TAFA2: variants seen among roughly 807,000 people sequenced by gnomAD.
The protein encoded by TAFA2 is chemokine-like protein TAFA-2.
TAFA2 carries 7 observed loss-of-function variants against 18.8 expected under a neutral mutation model. The ratio of observed to expected loss-of-function variants is 0.37; its 90% CI spans 0.21 to 0.70. The LOEUF (loss-of-function observed/expected upper bound fraction) is 0.70, where lower values mean the gene tolerates loss of function less well. Among genes scored for constraint, TAFA2 ranks in the 30% least tolerant of loss-of-function variants. The pLI is 0.53. For missense variants in TAFA2, 122 were observed against 158.1 expected, an observed-to-expected ratio of 0.77 and a Z score of 1.23; for synonymous variants, 60 against 54.2, an observed-to-expected ratio of 1.11 and a Z score of -0.47.
chr12:62,110,651 A>G (rs1339459855), intron 1 of TAFA2, among the ~76,000 whole-genome samples: 2 of 120,824 alleles, frequency 1.7e-5, no homozygotes, highest in Non-Finnish European at 3.3e-5. Flanking sequence ...GCTATTAATT[A>G]CTGCCTCAAT....
At chr12:62,124,981 A>G (rs941031801) in intron 1 of TAFA2, among the ~76,000 whole-genome samples, 5 of 152,150 alleles carry the variant, frequency 3.3e-5, no homozygotes, top group African/African-American at 9.7e-5. Context: ...CAAAAAAAGT[A>G]CCAAGAATTT....
At chr12:61,918,284 C>T (rs1876912024) in intron 1 of TAFA2, among the ~76,000 whole-genome samples, 1 of 151,986 alleles carries the variant, frequency 6.6e-6, no homozygotes, top group African/African-American at 2.4e-5. Flanking sequence ...TCTCATTAAC[C>T]ATCCCCCCTT....
At chr12:61,820,853 A>G (rs1245192122) in intron 2 of TAFA2, among the ~76,000 whole-genome samples, 4 of 152,096 alleles carry the variant, frequency 2.6e-5, no homozygotes, top group Non-Finnish European at 1.5e-5. Flanking sequence ...CTAATGTTCT[A>G]TACAATTGTT....
intron 1 of TAFA2, among the ~76,000 whole-genome samples, chr12:61,939,086 A>G (rs1410484283): frequency 2.6e-5 from 4 of 152,204 alleles, no homozygotes; most frequent in Non-Finnish European, 5.9e-5. Context: ...AAGTATACCT[A>G]TCGTTACTGA....
chr12:61,950,106 T>C (rs1430273846), intron 1 of TAFA2, among the ~76,000 whole-genome samples: 1 of 152,150 alleles, frequency 6.6e-6, no homozygotes, highest in Non-Finnish European at 1.5e-5. Flanking sequence ...AGTACTTCCT[T>C]TTTAAGGCTG....
chr12:62,198,858 C>T (rs1327558561), intron 1 of TAFA2, among the ~76,000 whole-genome samples: 1 of 152,106 alleles, frequency 6.6e-6, no homozygotes, highest in African/African-American at 2.4e-5. Context: ...CTCAGGAAAC[C>T]AAACAGGCCA....
At chr12:61,735,530 A>G (rs192225145) in intron 4 of TAFA2, among the ~76,000 whole-genome samples, 1 of 152,032 alleles carries the variant, frequency 6.6e-6, no homozygotes, top group Non-Finnish European at 1.5e-5. Flanking sequence ...TTGCTTTTTA[A>G]TTGAATTATT....
At chr12:62,142,867 A>G (rs935183340) in intron 1 of TAFA2, among the ~76,000 whole-genome samples, 7 of 152,208 alleles carry the variant, frequency 4.6e-5, no homozygotes, top group Non-Finnish European at 1.0e-4. Context: ...CAATGTTTTA[A>G]CCACCTGGTG....
At chr12:61,724,902 T>G (rs1373837087) in intron 4 of TAFA2, among the ~76,000 whole-genome samples, 6 of 149,506 alleles carry the variant, frequency 4.0e-5, no homozygotes, top group Admixed American at 2.7e-4. Context: ...CACACTGTTT[T>G]GCATAGTGGT....
intron 1 of TAFA2, among the ~76,000 whole-genome samples, chr12:61,936,769 C>A (rs772841756): frequency 1.3e-5 from 2 of 152,064 alleles, no homozygotes; most frequent in Non-Finnish European, 2.9e-5. Context: ...GACAAGGATG[C>A]CCACTTTCAC....
intron 1 of TAFA2, among the ~76,000 whole-genome samples, chr12:61,892,331 C>T (rs139310307): frequency 7.9e-5 from 12 of 152,086 alleles, no homozygotes; most frequent in South Asian, 2.1e-4. Context: ...CAAGATATTA[C>T]GTAGGAAGTT....
intron 4 of TAFA2, among the ~76,000 whole-genome samples, chr12:61,727,719 T>C (rs962161960): frequency 1.3e-5 from 2 of 151,758 alleles, no homozygotes; most frequent in Admixed American, 6.6e-5. Context: ...TTTCATTTAG[T>C]TCTGATCTTT....
At chr12:61,833,810 T>C (rs1872809977) in intron 2 of TAFA2, among the ~76,000 whole-genome samples, 1 of 152,028 alleles carries the variant, frequency 6.6e-6, no homozygotes, top group Non-Finnish European at 1.5e-5. Flanking sequence ...ATTCCCTTCA[T>C]TTCATTATGC....
At position 61,818,955 on chromosome 12, in the gene TAFA2, G is replaced by A. The variant is rs939449490; in HGVS notation, c.106+48365C>T. 3.3e-5 allele frequency among the ~76,000 whole-genome samples: 5 copies of A among 152,296 alleles called. 1 individual carries two copies. The highest frequency in any genetic ancestry group is 1.9e-4 in the East Asian group (1 of 5,188). On this transcript the variant is annotated intron_variant, in intron 2 of 4. Coordinates refer to ENST00000416284, the MANE Select transcript of TAFA2 (RefSeq NM_178539.5). The stretch of plus-strand genomic sequence containing the variant: ...CATATTTTATAAAAGGCTGTAAGGC[G>A]ATTCAAACACTTGCTTCTTCCATTG...
intron 2 of TAFA2, among the ~76,000 whole-genome samples, chr12:61,787,267 T>C (rs1870778909): frequency 6.6e-6 from 1 of 151,672 alleles, no homozygotes; most frequent in African/African-American, 2.4e-5. Flanking sequence ...CAGCAAAAGC[T>C]GGTCTTCTTC....
At chr12:61,964,910 T>G (rs889120395) in intron 1 of TAFA2, among the ~76,000 whole-genome samples, 4 of 151,886 alleles carry the variant, frequency 2.6e-5, no homozygotes, top group African/African-American at 9.7e-5. Context: ...AATTATTTAT[T>G]TACACACTAC....
intron 1 of TAFA2, among the ~76,000 whole-genome samples, chr12:61,924,737 C>G (rs150460009): frequency 2.6e-5 from 4 of 152,102 alleles, no homozygotes; most frequent in Non-Finnish European, 4.4e-5. Context: ...TCACACATAA[C>G]AATATTAATC....
chr12:62,007,539 C>G (rs1214649341), intron 1 of TAFA2, among the ~76,000 whole-genome samples: 1 of 152,146 alleles, frequency 6.6e-6, no homozygotes, highest in East Asian at 1.9e-4. Flanking sequence ...TTATCAGGAA[C>G]ACTACAGAGA....
chr12:62,222,997 G>A (rs1221130781), intron 1 of TAFA2, among the ~76,000 whole-genome samples: 1 of 151,984 alleles, frequency 6.6e-6, no homozygotes, highest in Non-Finnish European at 1.5e-5. Flanking sequence ...ATTTTAAAAT[G>A]ATATTAAAGG....
Sources: allele counts gnomAD v4.1 joint callset (sites outside exome capture counted in the v4.1 genomes callset), GRCh38; gene constraint gnomAD v4.1.1; transcripts MANE v1.5; gene names NCBI Gene and HGNC (gene_info 2026-07-23, HGNC 2026-07-21).